Variants in JADE1 observed in about 807,000 individuals in gnomAD.
JADE1 encodes jade family PHD finger 1, also known as protein Jade-1.
Under a neutral mutation model 81.8 loss-of-function variants are expected in JADE1, and 14 were observed. The observed-to-expected ratio is 0.17, with a 90% confidence interval of 0.11 to 0.27. JADE1 has a LOEUF of 0.27. JADE1 is among the 10% of genes least tolerant of loss of function. The pLI is 1.00. For synonymous variants in JADE1, 353 were observed against 391.9 expected (o/e 0.90, Z 1.17); for missense variants, 690 against 1,047.9 (o/e 0.66, Z 4.71).
At chr4:128,815,298 C>A (rs1357199471) in intron 1 of JADE1, among the ~76,000 whole-genome samples, 3 of 152,098 alleles carry the variant, frequency 2.0e-5, no homozygotes, top group Non-Finnish European at 4.4e-5. Context: ...GACGGGGTTT[C>A]ACCGTGTTAG....
intron 1 of JADE1, among the ~76,000 whole-genome samples, chr4:128,812,804 A>G (rs1413711118): frequency 6.6e-6 from 1 of 152,230 alleles, no homozygotes; most frequent in Non-Finnish European, 1.5e-5. Context: ...GGCAGGGGCG[A>G]GGGGCTGTCG....
intron 8 of JADE1, among the ~76,000 whole-genome samples, chr4:128,860,731 A>C (rs1199690270): frequency 6.6e-6 from 1 of 152,198 alleles, no homozygotes; most frequent in Non-Finnish European, 1.5e-5. Flanking sequence ...CAAAGGCACT[A>C]AATTGTGGCC....
rs2125910490 is a variant in JADE1 at position 128,873,403 on chromosome 4, C to T, written c.*1141C>T. On this transcript the variant is annotated 3_prime_UTR_variant, in exon 11 of 11. Coordinates refer to ENST00000226319, the MANE Select transcript of JADE1 (RefSeq NM_199320.4). The stretch of plus-strand genomic sequence containing the variant: ...TGACCAAGGTTATACAGGAAAGAGA[C>T]TGAAGTGTACCCTTGAATAGGTTTT... 1 of 152,532 alleles carries T rather than the reference C, an allele frequency of 6.6e-6. No individual in the cohort carries two copies. The highest frequency in any genetic ancestry group is 2.1e-4 in the South Asian group (1 of 4,814). 9.4% of individuals were successfully genotyped at this position (152,532 alleles called of 1,614,324 possible).
intron 3 of JADE1, among the ~76,000 whole-genome samples, chr4:128,843,394 G>A (rs932852503): frequency 6.6e-6 from 1 of 152,184 alleles, no homozygotes; most frequent in Non-Finnish European, 1.5e-5. Context: ...AGCAGGTTCA[G>A]CTGCTGCCAA....
In JADE1 at chr4:128,855,815, TTTG is replaced by T; in HGVS notation, c.864+24_864+26del. 1 of 1,554,420 alleles carries T rather than the reference TTTG, an allele frequency of 6.4e-7. No homozygotes were observed. The highest frequency in any genetic ancestry group is 8.7e-7 in the Non-Finnish European group (1 of 1,145,220). ...TCCCTGAGGTACGTGTGGTTCTTTT[TTTG>T]TTGTTTTTACTTTTTTTTAAGACAG... On this transcript the variant is annotated intron_variant, in intron 7 of 10. Transcript: ENST00000226319.
Position 128,855,799 on chromosome 4 carries a change from T to A in JADE1, c.864+2T>A. 6.3e-7 allele frequency: 1 copy of A among 1,587,778 alleles called. No homozygotes were observed. Among genetic ancestry groups the A allele is most frequent in the Non-Finnish European group, 8.6e-7 (1 of 1,165,740 alleles). Reference sequence around the variant, plus strand: ...AGCTGTGCTCTGTGGATCCCTGAGGTACGTGTGGTTCTTTTTTTGTTGTTT... The same window carrying A: ...AGCTGTGCTCTGTGGATCCCTGAGGAACGTGTGGTTCTTTTTTTGTTGTTT... On this transcript the variant is annotated splice_donor_variant, in intron 7 of 10. Transcript: ENST00000226319. LOFTEE classifies it high-confidence loss of function.
intron 2 of JADE1, among the ~76,000 whole-genome samples, chr4:128,841,488 A>G (rs1729427866): frequency 6.6e-6 from 1 of 152,216 alleles, no homozygotes; most frequent in African/African-American, 2.4e-5. Flanking sequence ...AGAGTCTAGG[A>G]CAACTCTTAG....
intron 1 of JADE1, among the ~76,000 whole-genome samples, chr4:128,814,662 A>G (rs1726831999): frequency 6.6e-6 from 1 of 151,250 alleles, no homozygotes; most frequent in Non-Finnish European, 1.5e-5. Context: ...CCCAGGTTCA[A>G]GCGATTCTCC....
At chr4:128,820,678 GTCTC>G (rs769060250) in intron 1 of JADE1, among the ~76,000 whole-genome samples, 18 of 151,944 alleles carry the variant, frequency 1.2e-4, no homozygotes, top group Admixed American at 2.0e-4. Context: ...AACATTGGGA[GTCTC>G]TCTCTTTTTT....
intron 1 of JADE1, among the ~76,000 whole-genome samples, chr4:128,820,216 A>T (rs1053500793): frequency 1.1e-4 from 16 of 151,852 alleles, no homozygotes; most frequent in Admixed American, 7.9e-4. Flanking sequence ...GGTTCATGCA[A>T]TTCTCCTGCT....
At chr4:128,853,135 C>T (rs1730506375) in intron 6 of JADE1, among the ~76,000 whole-genome samples, 1 of 152,118 alleles carries the variant, frequency 6.6e-6, no homozygotes, top group Admixed American at 6.5e-5. Flanking sequence ...CTTGGCCTTC[C>T]AAAGTGCTGG....
intron 9 of JADE1, chr4:128,863,040 GTTGT>G (rs1482041626): frequency 3.8e-5 from 37 of 985,422 alleles, no homozygotes; most frequent in Non-Finnish European, 4.3e-5. Flanking sequence ...CTACAGATGT[GTTGT>G]TTGTCACACT....
Position 128,871,904 on chromosome 4 carries a change from C to A in JADE1, c.2171C>A (p.Ser724Tyr). 6.2e-7 allele frequency: 1 copy of A among 1,614,056 alleles called. No homozygotes were observed. The highest frequency in any genetic ancestry group is 8.5e-7 in the Non-Finnish European group (1 of 1,180,006). Residue 724 changes from serine (S) to tyrosine (Y), a missense_variant, in exon 11 of 11, where the codon TCC becomes TAC. By Grantham distance (144) the Ser-to-Tyr change is moderately radical. Coordinates refer to ENST00000226319, the MANE Select transcript of JADE1 (RefSeq NM_199320.4). This position sits in a 1 kb window ranked among gnomAD's most constrained non-coding sequence, Gnocchi z 4.1. The stretch of plus-strand genomic sequence containing the variant: ...GAGATAGTGCCCAAGTGCAATGGCT[C>A]CCTAATCAAAGTAAACTATAATCAG... Reference protein sequence around the residue: ...RKEIVPKCNGSLIKVNYNQTA... With the variant: ...RKEIVPKCNGYLIKVNYNQTA...
chr4:128,814,248 G>C (rs1197251141), intron 1 of JADE1, among the ~76,000 whole-genome samples: 1 of 152,170 alleles, frequency 6.6e-6, no homozygotes. Context: ...GCTTAGCCTA[G>C]GGGGTTGGAG....
In JADE1 at chr4:128,815,359, C is replaced by G. The variant is rs191105317; in HGVS notation, c.-27+5482C>G. Among the ~76,000 whole-genome samples, 1,044 of 152,272 alleles carry G rather than the reference C, an allele frequency of 6.9e-3. 6 individuals carry two copies. The highest frequency in any genetic ancestry group is 9.9e-3 in the Non-Finnish European group (670 of 68,016). On this transcript the variant is annotated intron_variant, in intron 1 of 10. Coordinates refer to ENST00000226319, the MANE Select transcript of JADE1 (RefSeq NM_199320.4). ...TCGTGATCCGCCCGCCTCAGCCTCC[C>G]AAAGTTCTGGGGTTACAGGCGTGAG...
At chr4:128,836,737 G>GT (rs11443617) in intron 2 of JADE1, among the ~76,000 whole-genome samples, 65,267 of 133,042 alleles carry the variant, frequency 0.49, 18,284 homozygotes, top group South Asian at 0.63. Flanking sequence ...GATCAGCACT[G>GT]TTTTTTTTTT....
At position 128,871,364 on chromosome 4, in the gene JADE1, C is replaced by A. The variant is rs1235113913; in HGVS notation, c.1631C>A (p.Ser544Tyr). Residue 544 changes from serine to tyrosine, a missense_variant, in exon 11 of 11, where the codon TCT becomes TAT. Transcript: ENST00000226319. This position sits in a 1 kb window ranked among gnomAD's most constrained non-coding sequence, Gnocchi z 4.1. ...LEQERVSGVPSSCSSSSLENM... is the reference protein window; with the variant it reads ...LEQERVSGVPYSCSSSSLENM... ...GGTTTTATGTTTATAGGTGTGCCTTCTTCCTGCTCCTCCTCCTCACTGGAA... is the reference window on the plus strand; with the variant it reads ...GGTTTTATGTTTATAGGTGTGCCTTATTCCTGCTCCTCCTCCTCACTGGAA... 1 of 1,612,776 alleles carries A rather than the reference C, an allele frequency of 6.2e-7. No individual in the cohort carries two copies. The highest frequency in any genetic ancestry group is 2.2e-5 in the East Asian group (1 of 44,862).
In JADE1 at chr4:128,849,368, G is replaced by A. The variant is rs181030484; in HGVS notation, c.484+201G>A. On this transcript the variant is annotated intron_variant, in intron 5 of 10. Transcript: ENST00000226319. Reference sequence around the variant, plus strand: ...GTGCTGAGATGGTTTCAGAGTGGAAGCAAGGCTCCTCGGCTCAGGCACCAG... The same window carrying A: ...GTGCTGAGATGGTTTCAGAGTGGAAACAAGGCTCCTCGGCTCAGGCACCAG... Among the ~76,000 whole-genome samples, 247 of 152,260 alleles carry A rather than the reference G, an allele frequency of 1.6e-3. 2 individuals are homozygous for A. The Middle Eastern group carries it at 0.034, about 21-fold the overall frequency.
Position 128,857,355 on chromosome 4 carries a change from A to T in JADE1, c.882A>T (p.Pro294=). The T allele has an allele frequency of 6.2e-7, 1 of 1,614,094 alleles. No individual in the cohort carries two copies. The highest frequency in any genetic ancestry group is 8.5e-7 in the Non-Finnish European group (1 of 1,179,978). ...ACCTTTAGGTGAGCATTGGCAGCCC[A>T]GAGAAGATGGAGCCCATCACCAAGG... is the stretch of plus-strand genomic sequence containing the variant. ...LWIPEVSIGS[P]EKMEPITKVS... The change falls in exon 8 of 11, where the codon CCA becomes CCT. Residue 294 remains proline (P), a synonymous_variant. Transcript: ENST00000226319.
Sources: gnomAD v4.1 joint callset for allele counts (sites outside exome capture counted in the v4.1 genomes callset) on GRCh38, gnomAD v4.1.1 for gene constraint, Gnocchi (gnomAD v3.1) non-coding constraint, MANE v1.5 for transcripts, NCBI Gene and HGNC (gene_info 2026-07-23, HGNC 2026-07-21) for gene names.